Variants in CHL1 observed in about 807,000 individuals in gnomAD.
CHL1 encodes the protein neural cell adhesion molecule L1-like protein.
In CHL1, 96 loss-of-function variants were observed where a neutral mutation model predicts 141.9. That is an observed-to-expected ratio of 0.68 (90% CI 0.57 to 0.80). CHL1 has a LOEUF of 0.80. CHL1 is among the 30% of genes least tolerant of loss of function. The pLI is 0.00. For missense variants in CHL1, 1,820 were observed against 1,457.2 expected (o/e 1.25, Z -4.05); for synonymous variants, 613 against 502.2 (o/e 1.22, Z -2.95).
chr3:382,746 A>G, intron 18 of CHL1, 75 bp downstream of exon 18: 1 of 1,250,194 alleles, frequency 8.0e-7, no homozygotes, highest in Non-Finnish European at 1.2e-6. Flanking sequence ...AAAAAAAAAG[A>G]TTGATAGAGT....
chr3:201,709 G>C (rs1444882038), intron 1 of CHL1, among the ~76,000 whole-genome samples: 1 of 152,102 alleles, frequency 6.6e-6, no homozygotes, highest in Non-Finnish European at 1.5e-5. Flanking sequence ...ATTGAACTTG[G>C]TCAATATATA....
intron 5 of CHL1, among the ~76,000 whole-genome samples, chr3:338,970 C>G (rs1271062372): frequency 6.6e-6 from 1 of 152,170 alleles, no homozygotes; most frequent in African/African-American, 2.4e-5. Context: ...AACTACTTTA[C>G]AATAGATATT....
intron 1 of CHL1, among the ~76,000 whole-genome samples, chr3:243,492 C>T (rs1290921553): frequency 1.3e-5 from 2 of 152,138 alleles, no homozygotes; most frequent in Non-Finnish European, 2.9e-5. Flanking sequence ...GGTTACTAAA[C>T]AAAAGTATTA....
intron 2 of CHL1, among the ~76,000 whole-genome samples, chr3:296,032 A>G (rs906732050): frequency 6.6e-6 from 1 of 152,094 alleles, no homozygotes; most frequent in Non-Finnish European, 1.5e-5. Context: ...ATTCCATCCT[A>G]ACTACTGATT....
At position 391,030 on chromosome 3, in the gene CHL1, G is replaced by C; in HGVS notation, c.2662G>C (p.Gly888Arg). 1 of 1,613,946 alleles carries C rather than the reference G, an allele frequency of 6.2e-7. No individual in the cohort carries two copies. ...AGAAGTGAACATTCTAAGATTTTCA[G>C]GACAAAGAAACTCTGGAATGGTTCC... is the stretch of plus-strand genomic sequence containing the variant. ...PKEVNILRFS[G>R]QRNSGMVPSL... is the part of the protein sequence containing the mutation. Residue 888 changes from glycine to arginine, a missense_variant, in exon 22 of 28, where the codon GGA (glycine) becomes CGA (arginine). Coordinates refer to ENST00000256509, the MANE Select transcript of CHL1 (RefSeq NM_006614.4).
intron 23 of CHL1, among the ~76,000 whole-genome samples, chr3:392,113 G>T (rs189531032): frequency 1.7e-3 from 256 of 152,290 alleles, no homozygotes; most frequent in South Asian, 8.5e-3. Context: ...AATGTTTACC[G>T]TCTGGCCCTT....
chr3:319,591 C>CA (rs35995557), intron 2 of CHL1, 92 bp from the exon 3 acceptor site: 48,500 of 303,072 alleles, frequency 0.16, 2,952 homozygotes, highest in African/African-American at 0.34. Flanking sequence ...ACTGCCAAAC[C>CA]AAAAAAAAAA....
Position 267,664 on chromosome 3 carries a change from G to A in CHL1, c.-95+22972G>A, listed in dbSNP as rs948513849. 5.9e-5 allele frequency among the ~76,000 whole-genome samples: 9 copies of A among 152,112 alleles called. No individual in the cohort carries two copies. The East Asian group carries it at 9.7e-4, about 16-fold the overall frequency. Reference sequence around the variant, plus strand: ...TTTAAAATTAACACCTAATTAAACCGTGTGTGTATTTCAAACGTGAGGCTA... The same window carrying A: ...TTTAAAATTAACACCTAATTAAACCATGTGTGTATTTCAAACGTGAGGCTA... On this transcript the variant is annotated intron_variant, in intron 2 of 27. Coordinates refer to ENST00000256509, the MANE Select transcript of CHL1 (RefSeq NM_006614.4).
At chr3:232,141 G>GGT (rs1190585343) in intron 1 of CHL1, among the ~76,000 whole-genome samples, 1 of 152,094 alleles carries the variant, frequency 6.6e-6, no homozygotes, top group Non-Finnish European at 1.5e-5. Context: ...AGAAGGTTTT[G>GGT]GTGTCTACCA....
chr3:297,614 CA>C (rs1302253278), intron 2 of CHL1, among the ~76,000 whole-genome samples: 4 of 152,134 alleles, frequency 2.6e-5, no homozygotes, highest in Non-Finnish European at 5.9e-5. Context: ...GAAGAGAGAA[CA>C]AAGCCATATC....
chr3:242,968 G>T (rs1027806929), intron 1 of CHL1, among the ~76,000 whole-genome samples: 2 of 152,156 alleles, frequency 1.3e-5, no homozygotes, highest in Non-Finnish European at 2.9e-5. Context: ...AAGAAGTGGG[G>T]ACCCATTGGG....
chr3:275,588 C>T (rs928898226), intron 2 of CHL1, among the ~76,000 whole-genome samples: 1 of 152,164 alleles, frequency 6.6e-6, no homozygotes, highest in African/African-American at 2.4e-5. Context: ...GCAGAGAAAG[C>T]TAGCAGATGG....
chr3:213,781 T>C (rs1700081368), intron 1 of CHL1: 1 of 152,200 alleles, frequency 6.6e-6, no homozygotes, highest in South Asian at 2.1e-4. Flanking sequence ...TCAATTGCAA[T>C]GATTATTTCT....
chr3:289,436 A>G (rs967562842), intron 2 of CHL1, among the ~76,000 whole-genome samples: 1 of 152,188 alleles, frequency 6.6e-6, no homozygotes, highest in Non-Finnish European at 1.5e-5. Context: ...AATAATTCAC[A>G]ATATGAGAGC....
At chr3:319,383 A>G (rs146960898) in intron 2 of CHL1, among the ~76,000 whole-genome samples, 398 of 151,914 alleles carry the variant, frequency 2.6e-3, no homozygotes, top group Admixed American at 4.4e-3. Context: ...ATAGAAGTTG[A>G]GAATAAAAAA....
At chr3:311,676 G>C (rs931093681) in intron 2 of CHL1, among the ~76,000 whole-genome samples, 1 of 152,186 alleles carries the variant, frequency 6.6e-6, no homozygotes, top group African/African-American at 2.4e-5. Context: ...CTCCAGGAGT[G>C]AAGCTAGTGG....
chr3:369,462 A>G (rs1705341555), intron 15 of CHL1, among the ~76,000 whole-genome samples: 1 of 152,186 alleles, frequency 6.6e-6, no homozygotes, highest in Non-Finnish European at 1.5e-5. Context: ...ATCCTGAGAC[A>G]TTGCTAAAAT....
chr3:385,312 G>C (rs1376543824), intron 19 of CHL1, among the ~76,000 whole-genome samples: 1 of 152,154 alleles, frequency 6.6e-6, no homozygotes, highest in Non-Finnish European at 1.5e-5. Flanking sequence ...TGGGAGGGCT[G>C]TGGTCCATGA....
intron 1 of CHL1, among the ~76,000 whole-genome samples, chr3:235,964 A>G (rs1338864578): frequency 6.6e-6 from 1 of 152,148 alleles, no homozygotes; most frequent in African/African-American, 2.4e-5. Context: ...TTTAAGTTTC[A>G]TGATTTGGTA....
Sources: gnomAD v4.1 joint callset for allele counts (sites outside exome capture counted in the v4.1 genomes callset) on GRCh38, gnomAD v4.1.1 for gene constraint, MANE v1.5 for transcripts, NCBI Gene and HGNC (gene_info 2026-07-23, HGNC 2026-07-21) for gene names.